The following MIPEP variants were observed in gnomAD, a reference collection of about 807,000 sequenced individuals.
MIPEP encodes the protein mitochondrial intermediate peptidase.
In MIPEP, 79 loss-of-function variants were observed where a neutral mutation model predicts 90.3. That is an observed-to-expected ratio of 0.87 (90% CI 0.73 to 1.05). The LOEUF is 1.05. Among genes scored for constraint, MIPEP ranks in the 50% least tolerant of loss-of-function variants. MIPEP has a pLI of 0.00. For synonymous variants in MIPEP, 334 were observed against 315.8 expected (o/e 1.06, Z -0.61); for missense variants, 940 against 905.6 (o/e 1.04, Z -0.49).
At chr13:23,798,695 C>T (rs879853724) in intron 16 of MIPEP, among the ~76,000 whole-genome samples, 11 of 152,062 alleles carry the variant, frequency 7.2e-5, no homozygotes, top group Non-Finnish European at 1.3e-4. Flanking sequence ...CTTGTAAGAT[C>T]GGGTTGTTTA....
rs150603324 is a variant in MIPEP, at chr13:23,791,981, C to A, written c.1848+13969G>T. 4.8e-3 allele frequency among the ~76,000 whole-genome samples: 732 copies of A among 152,310 alleles called. 8 individuals are homozygous for A. The highest frequency in any genetic ancestry group is 0.017 in the African/African-American group (689 of 41,566). The stretch of plus-strand genomic sequence containing the variant: ...TCTACCCTAAAGGTACCATTTGATA[C>A]AATCACTCACTCACTCTGCCTTGAA... On this transcript the variant is annotated intron_variant, in intron 16 of 18. Coordinates refer to ENST00000382172, the MANE Select transcript of MIPEP (RefSeq NM_005932.4).
intron 18 of MIPEP, among the ~76,000 whole-genome samples, chr13:23,732,000 C>T (rs1466076549): frequency 2.0e-5 from 2 of 98,774 alleles, no homozygotes; most frequent in African/African-American, 7.6e-5. Context: ...TTTTTAAAGA[C>T]AAGGTCTTGC....
intron 16 of MIPEP, among the ~76,000 whole-genome samples, chr13:23,776,266 T>C (rs915586213): frequency 6.6e-6 from 1 of 152,154 alleles, no homozygotes; most frequent in Non-Finnish European, 1.5e-5. Context: ...CAGTCTGATT[T>C]TCAACCCCCA....
chr13:23,761,726 A>G (rs573491528), intron 16 of MIPEP, among the ~76,000 whole-genome samples: 1 of 152,340 alleles, frequency 6.6e-6, no homozygotes, highest in South Asian at 2.1e-4. Flanking sequence ...CTGTCCTCAA[A>G]GGCTACACTT....
rs768751555 is a variant in MIPEP at position 23,870,198 on chromosome 13, G to T, written c.604-3C>A. 3.2e-6 allele frequency: 5 copies of T among 1,558,278 alleles called. No individual in the cohort carries two copies. The Admixed American group carries it at 9.5e-5, about 30-fold the overall frequency. On this transcript the variant is annotated splice_region_variant and splice_polypyrimidine_tract_variant and intron_variant, in intron 5 of 18. Transcript: ENST00000382172. ...TTGAGGTCCACTGCTCTTTTACGCTGTATGCAGGAGGAGTAAAAGTTATTT... is the reference window on the plus strand; with the variant it reads ...TTGAGGTCCACTGCTCTTTTACGCTTTATGCAGGAGGAGTAAAAGTTATTT...
intron 16 of MIPEP, among the ~76,000 whole-genome samples, chr13:23,778,699 T>G (rs986253974): frequency 1.8e-4 from 20 of 114,138 alleles, no homozygotes; most frequent in Non-Finnish European, 3.2e-4. Context: ...CTCTACATTA[T>G]TTTATTATAC....
chr13:23,818,068 T>C (rs1483626534), intron 14 of MIPEP, among the ~76,000 whole-genome samples: 1 of 149,452 alleles, frequency 6.7e-6, no homozygotes, highest in African/African-American at 2.6e-5. Flanking sequence ...CACTTAGTTC[T>C]GGGTTTTGCA....
In MIPEP at chr13:23,858,995, TA is replaced by T. The variant is rs1726317280; in HGVS notation, c.1054-84del. ...AGCAACGTGGCCAGCCTATAGAATG[TA>T]AACCAGCTACTGTTCATGTAAATCA... is the stretch of plus-strand genomic sequence containing the variant. On this transcript the variant is annotated intron_variant, in intron 9 of 18. Coordinates refer to ENST00000382172, the MANE Select transcript of MIPEP (RefSeq NM_005932.4). 9.3e-6 allele frequency: 10 copies of T among 1,080,272 alleles called. No homozygotes were observed. The Admixed American group carries it at 1.9e-4, about 20-fold the overall frequency. The allele number at this position is 1,080,272 out of a possible 1,614,324, so 66.9% of individuals were successfully genotyped here.
At chr13:23,817,849 A>C (rs577849144) in intron 14 of MIPEP, among the ~76,000 whole-genome samples, 3 of 152,344 alleles carry the variant, frequency 2.0e-5, no homozygotes, top group Non-Finnish European at 4.4e-5. Flanking sequence ...GTAAACATTC[A>C]GTGTTTACTG....
intron 16 of MIPEP, among the ~76,000 whole-genome samples, chr13:23,799,840 T>C (rs1340266226): frequency 2.0e-5 from 3 of 152,264 alleles, no homozygotes; most frequent in African/African-American, 7.2e-5. Flanking sequence ...AACTTTTTCA[T>C]TCTAGCTTTG....
chr13:23,762,470 C>T (rs186492490), intron 16 of MIPEP, among the ~76,000 whole-genome samples: 201 of 152,320 alleles, frequency 1.3e-3, no homozygotes, highest in Middle Eastern at 3.4e-3. Context: ...TCGGCAAGGG[C>T]TCTGTCATAA....
intron 16 of MIPEP, among the ~76,000 whole-genome samples, chr13:23,797,016 T>C (rs921942305): frequency 6.6e-6 from 1 of 152,118 alleles, no homozygotes; most frequent in Non-Finnish European, 1.5e-5. Context: ...CCTAAAATAA[T>C]AGAAAGGAGC....
At chr13:23,733,149 A>G (rs1005074023) in intron 18 of MIPEP, among the ~76,000 whole-genome samples, 4 of 152,236 alleles carry the variant, frequency 2.6e-5, no homozygotes. Context: ...AAATCTTGAG[A>G]AAAAGTAAAC....
Position 23,730,259 on chromosome 13 carries a change from G to C in MIPEP, c.*89C>G. 1 of 807,934 alleles carries C rather than the reference G, an allele frequency of 1.2e-6. No individual in the cohort carries two copies. The allele number at this position is 807,934 out of a possible 1,614,324, so 50.0% of individuals were successfully genotyped here. ...TTTCAGAATTACAGAAGCGAACAAT[G>C]AAATCAGAAACAAGCTCTCACAGCT... On this transcript the variant is annotated 3_prime_UTR_variant, in exon 19 of 19. Coordinates refer to ENST00000382172, the MANE Select transcript of MIPEP (RefSeq NM_005932.4).
intron 7 of MIPEP, among the ~76,000 whole-genome samples, chr13:23,868,688 T>G (rs560289564): frequency 4.3e-4 from 65 of 152,304 alleles, no homozygotes; most frequent in African/African-American, 1.5e-3. Context: ...AAATTACAAC[T>G]GTAAGTTAAT....
intron 16 of MIPEP, among the ~76,000 whole-genome samples, chr13:23,779,709 A>G (rs971653388): frequency 6.6e-6 from 1 of 152,126 alleles, no homozygotes; most frequent in African/African-American, 2.4e-5. Context: ...CTTTCCTAGC[A>G]AAGGTAAGGG....
intron 18 of MIPEP, among the ~76,000 whole-genome samples, chr13:23,735,113 G>A (rs1952247274): frequency 6.6e-6 from 1 of 152,160 alleles, no homozygotes; most frequent in Admixed American, 6.5e-5. Flanking sequence ...AAAAGGCTAG[G>A]GTGGGAGAGC....
At chr13:23,803,101 T>C (rs1021551214) in intron 16 of MIPEP, among the ~76,000 whole-genome samples, 5 of 152,114 alleles carry the variant, frequency 3.3e-5, no homozygotes, top group Non-Finnish European at 7.4e-5. Flanking sequence ...CGGTGGCTCA[T>C]GCCTGTAATC....
chr13:23,885,324 G>C (rs1053363995), intron 2 of MIPEP, among the ~76,000 whole-genome samples: 3 of 152,128 alleles, frequency 2.0e-5, no homozygotes, highest in African/African-American at 7.2e-5. Flanking sequence ...TGGGGGAGGT[G>C]GGGATGGTTA....
Sources: allele counts gnomAD v4.1 joint callset (sites outside exome capture counted in the v4.1 genomes callset), GRCh38; gene constraint gnomAD v4.1.1; transcripts MANE v1.5; gene names NCBI Gene and HGNC (gene_info 2026-07-23, HGNC 2026-07-21).